Variants in GPC6 observed in about 807,000 individuals in gnomAD.
GPC6 encodes the protein glypican 6.
GPC6 carries 14 observed loss-of-function variants against 55.2 expected under a neutral mutation model. That is an observed-to-expected ratio of 0.25 (90% CI 0.17 to 0.40). The LOEUF (loss-of-function observed/expected upper bound fraction) is 0.40, where lower values mean the gene tolerates loss of function less well. GPC6 is among the 10% of genes least tolerant of loss of function. The pLI, the probability that GPC6 is intolerant of heterozygous loss-of-function variation, is 1.00. For missense variants in GPC6, 641 were observed against 708.5 expected (o/e 0.90, Z 1.08); for synonymous variants, 278 against 259.6 (o/e 1.07, Z -0.68).
intron 2 of GPC6, among the ~76,000 whole-genome samples, chr13:93,797,862 G>T (rs1318632555): frequency 6.6e-6 from 1 of 151,966 alleles, no homozygotes; most frequent in African/African-American, 2.4e-5. Flanking sequence ...GAAATGTTCT[G>T]GGTCTCTATT....
chr13:93,341,981 A>G (rs1880273342), intron 1 of GPC6, among the ~76,000 whole-genome samples: 2 of 150,444 alleles, frequency 1.3e-5, no homozygotes, highest in Non-Finnish European at 3.0e-5. Context: ...CAGTGGCCCA[A>G]TTTTGGCTCA....
intron 3 of GPC6, among the ~76,000 whole-genome samples, chr13:93,942,457 C>T (rs1321469946): frequency 1.3e-5 from 2 of 152,106 alleles, no homozygotes; most frequent in Admixed American, 1.3e-4. Flanking sequence ...GGAGTTGGGA[C>T]TACAGGCACC....
At chr13:93,834,883 A>G (rs1594504295) in intron 3 of GPC6, among the ~76,000 whole-genome samples, 1 of 152,282 alleles carries the variant, frequency 6.6e-6, no homozygotes, top group East Asian at 1.9e-4. Context: ...GGGCACCTTG[A>G]CAGAATGGAT....
intron 1 of GPC6, among the ~76,000 whole-genome samples, chr13:93,392,325 C>T (rs1233816312): frequency 1.3e-5 from 2 of 152,178 alleles, no homozygotes; most frequent in African/African-American, 4.8e-5. Flanking sequence ...TTTTTGACCC[C>T]CCTAATTGTT....
chr13:93,798,464 A>T (rs7995468), intron 2 of GPC6, among the ~76,000 whole-genome samples: 1 of 151,870 alleles, frequency 6.6e-6, no homozygotes, highest in African/African-American at 2.4e-5. Flanking sequence ...TGTCCAATTC[A>T]GTTAGATTTT....
In GPC6 at chr13:93,495,781, C is replaced by T. The variant is rs949350400; in HGVS notation, c.161-49482C>T. On this transcript the variant is annotated intron_variant, in intron 1 of 8. Transcript: ENST00000377047. ...GCTGCAGGTCTGTTGGAATACCCTG[C>T]CGTGTGAGGTGTCAGTGTGCCCCTG... Among the ~76,000 whole-genome samples the T allele has an allele frequency of 1.9e-3, 269 of 143,290 alleles. 3 individuals carry two copies. The highest frequency in any genetic ancestry group is 6.5e-3 in the African/African-American group (250 of 38,648). The allele number at this position is 143,290 out of a possible 152,430, so 94.0% of individuals were successfully genotyped here. A position where few individuals can be genotyped will look rare whatever the true frequency, so the allele number is the denominator to read the frequency against.
At chr13:93,769,583 T>C (rs1310177837) in intron 2 of GPC6, among the ~76,000 whole-genome samples, 1 of 152,154 alleles carries the variant, frequency 6.6e-6, no homozygotes, top group African/African-American at 2.4e-5. Flanking sequence ...TGATATCCAT[T>C]CATTCACCTT....
chr13:93,478,941 T>A (rs1449853543), intron 1 of GPC6, among the ~76,000 whole-genome samples: 1 of 152,186 alleles, frequency 6.6e-6, no homozygotes, highest in East Asian at 1.9e-4. Context: ...ATTTACAAAG[T>A]CCTGTAGCTG....
intron 2 of GPC6, among the ~76,000 whole-genome samples, chr13:93,779,779 G>T (rs962093921): frequency 6.6e-6 from 1 of 152,064 alleles, no homozygotes; most frequent in Non-Finnish European, 1.5e-5. Context: ...GAGGCACCAC[G>T]CATGTACCTT....
At chr13:93,393,121 TATATATAGAGAGAGAG>T (rs1309201978) in intron 1 of GPC6, among the ~76,000 whole-genome samples, 24 of 79,922 alleles carry the variant, frequency 3.0e-4, no homozygotes, top group African/African-American at 8.1e-4. Context: ...TATATATATA[TATATATAGAGAGAGAG>T]AGAGAGAGAG....
At position 93,634,794 on chromosome 13, in the gene GPC6, A is replaced by T. The variant is rs145755367; in HGVS notation, c.319+89373A>T. Among the ~76,000 whole-genome samples, 447 of 152,318 alleles carry T rather than the reference A, an allele frequency of 2.9e-3. 1 individual carries two copies. Among genetic ancestry groups the T allele is most frequent in the South Asian group, 0.012 (58 of 4,830 alleles). On this transcript the variant is annotated intron_variant, in intron 2 of 8. Transcript: ENST00000377047. ...TTTAGTGAACTTTTACTTATGTCTC[A>T]TTGTGCAGAACAGTGTTATGTGGTC...
Position 93,810,271 on chromosome 13 carries a change from A to T in GPC6, c.320-19883A>T, listed in dbSNP as rs79312959. ...TCAATAGCTACATTGAGTCCGTTTCACTATATTCTCATCTGGCCACCTTTC... is the reference window on the plus strand; with the variant it reads ...TCAATAGCTACATTGAGTCCGTTTCTCTATATTCTCATCTGGCCACCTTTC... On this transcript the variant is annotated intron_variant, in intron 2 of 8. Transcript: ENST00000377047. Among the ~76,000 whole-genome samples the T allele has an allele frequency of 4.6e-3, 707 of 152,310 alleles. 8 individuals are homozygous for T. Among genetic ancestry groups the T allele is most frequent in the African/African-American group, 0.016 (678 of 41,568 alleles).
At chr13:93,542,209 A>G (rs1025278047) in intron 1 of GPC6, among the ~76,000 whole-genome samples, 1 of 152,202 alleles carries the variant, frequency 6.6e-6, no homozygotes, top group African/African-American at 2.4e-5. Context: ...TGTAAGGTGT[A>G]AGGAAGGGAT....
chr13:93,902,105 C>A (rs1876392184), intron 3 of GPC6, among the ~76,000 whole-genome samples: 1 of 151,874 alleles, frequency 6.6e-6, no homozygotes, highest in South Asian at 2.1e-4. Context: ...TTAAAATGTA[C>A]AATTACAGTA....
chr13:93,883,244 A>C (rs74111031), intron 3 of GPC6, among the ~76,000 whole-genome samples: 5,100 of 150,914 alleles, frequency 0.034, 247 homozygotes, highest in East Asian at 0.17. Context: ...CCCAGAGATA[A>C]ATGGCTGGAT....
rs1318040491 is a variant in GPC6 at position 93,227,569 on chromosome 13, G to C, written c.113G>C (p.Gly38Ala). 3 of 1,612,292 alleles carry C rather than the reference G, an allele frequency of 1.9e-6. No homozygotes were observed. The Admixed American group carries it at 5.0e-5, about 27-fold the overall frequency. The change falls in exon 1 of 9, where the codon GGT becomes GCT. Residue 38 changes from glycine (G) to alanine (A), a missense_variant. Transcript: ENST00000377047. The surrounding 1 kb of genome is among the most constrained non-coding windows in gnomAD (Gnocchi z 4.3). ...TGCGGAGAGGTCCGCCAGGCGTACG[G>C]TGCCAAGGGATTCAGCCTGGCGGAC... ...RSCGEVRQAY[G>A]AKGFSLADIP... is the part of the protein sequence containing the mutation.
intron 2 of GPC6, among the ~76,000 whole-genome samples, chr13:93,828,015 T>TC (rs1176020717): frequency 6.6e-6 from 1 of 151,326 alleles, no homozygotes; most frequent in Non-Finnish European, 1.5e-5. Context: ...TTTTTTTTTT[T>TC]CTCTTTCTCT....
At chr13:94,327,395 C>A (rs1411870678) in intron 6 of GPC6, among the ~76,000 whole-genome samples, 1 of 152,112 alleles carries the variant, frequency 6.6e-6, no homozygotes, top group Non-Finnish European at 1.5e-5. Context: ...CAGCTCTTCT[C>A]TTCTTCTCTA....
chr13:94,255,748 C>T (rs1168537135), intron 4 of GPC6, among the ~76,000 whole-genome samples: 1 of 152,106 alleles, frequency 6.6e-6, no homozygotes, highest in Non-Finnish European at 1.5e-5. Flanking sequence ...GGCTCTACAG[C>T]CTCGGAAGAA....
Sources: allele counts gnomAD v4.1 joint callset (sites outside exome capture counted in the v4.1 genomes callset), GRCh38; gene constraint gnomAD v4.1.1; non-coding constraint Gnocchi (gnomAD v3.1); transcripts MANE v1.5; gene names NCBI Gene and HGNC (gene_info 2026-07-23, HGNC 2026-07-21).